The following TFDP2 variants were observed in gnomAD, a reference collection of about 807,000 sequenced individuals.
The protein encoded by TFDP2 is transcription factor Dp-2 (E2F dimerization partner 2).
In TFDP2, 17 loss-of-function variants were observed where a neutral mutation model predicts 59.3. The ratio of observed to expected loss-of-function variants is 0.29; its 90% CI spans 0.20 to 0.43. TFDP2 has a LOEUF of 0.43. Among genes scored for constraint, TFDP2 ranks in the 20% least tolerant of loss-of-function variants. The probability of loss-of-function intolerance (pLI) is 1.00; values close to 1 mark genes in which losing one functional copy is unlikely to be tolerated. For missense variants in TFDP2, 391 were observed against 528.8 expected (o/e 0.74, Z 2.56); for synonymous variants, 180 against 194.7 (o/e 0.92, Z 0.63).
intron 3 of TFDP2, among the ~76,000 whole-genome samples, chr3:142,039,568 G>C (rs1447386525): frequency 1.3e-5 from 2 of 152,146 alleles, no homozygotes; most frequent in East Asian, 3.9e-4. Context: ...GAGAGCAGGA[G>C]AGAATCCTCA....
intron 1 of TFDP2, among the ~76,000 whole-genome samples, chr3:142,116,903 G>A (rs1012438154): frequency 6.6e-6 from 1 of 151,942 alleles, no homozygotes; most frequent in Non-Finnish European, 1.5e-5. Context: ...GATTTTTCAG[G>A]TGTAAAATTA....
rs1319806448 is a variant in TFDP2 at position 141,963,925 on chromosome 3, T to C, written c.771A>G (p.Gln257=). ...AFKNLVQRNR[Q]NEQQNQGPPA... Reference sequence around the variant, plus strand: ...GCGGGCCCTGGTTTTGCTGCTCATTTTGTCGATTTCTCTGTACCAGGTTTT... The same window carrying C: ...GCGGGCCCTGGTTTTGCTGCTCATTCTGTCGATTTCTCTGTACCAGGTTTT... Residue 257 remains glutamine (Q), a synonymous_variant, in exon 10 of 13, where the codon CAA becomes CAG. Transcript: ENST00000489671. The C allele has an allele frequency of 1.2e-6, 2 of 1,613,788 alleles. No individual in the cohort carries two copies. Among genetic ancestry groups the C allele is most frequent in the Admixed American group, 1.7e-5 (1 of 59,960 alleles).
At chr3:142,107,618 T>C (rs2061517545) in intron 1 of TFDP2, among the ~76,000 whole-genome samples, 1 of 152,192 alleles carries the variant, frequency 6.6e-6, no homozygotes, top group Non-Finnish European at 1.5e-5. Context: ...GTGCTTCACA[T>C]GTATATCATA....
At chr3:142,014,376 T>G (rs1316024713) in intron 3 of TFDP2, among the ~76,000 whole-genome samples, 1 of 151,940 alleles carries the variant, frequency 6.6e-6, no homozygotes, top group Non-Finnish European at 1.5e-5. Flanking sequence ...TCTCAAACTC[T>G]TGAGCTCAAG....
At chr3:142,051,643 A>G (rs968291142) in intron 3 of TFDP2, among the ~76,000 whole-genome samples, 6 of 152,234 alleles carry the variant, frequency 3.9e-5, no homozygotes, top group Admixed American at 1.3e-4. Context: ...AGACACGTAC[A>G]TCAATGGAAC....
intron 6 of TFDP2, 36 bp downstream of exon 6, chr3:141,993,502 A>C: frequency 6.9e-7 from 1 of 1,458,182 alleles, no homozygotes; most frequent in Non-Finnish European, 9.4e-7. Context: ...CTATATAGCC[A>C]AATCTTCCAA....
chr3:141,964,003 A>C, intron 9 of TFDP2, 40 bp from the exon 10 acceptor site: 1 of 1,572,156 alleles, frequency 6.4e-7, no homozygotes, highest in South Asian at 1.2e-5. Flanking sequence ...AATTGTGCAT[A>C]AGTGAGTTGG....
intron 4 of TFDP2, among the ~76,000 whole-genome samples, chr3:141,997,492 C>T (rs1943374145): frequency 6.6e-6 from 1 of 151,846 alleles, no homozygotes; most frequent in South Asian, 2.1e-4. Flanking sequence ...ATTACTACTG[C>T]AGTATTTCTA....
At chr3:142,057,133 G>C (rs1576859884) in intron 3 of TFDP2, among the ~76,000 whole-genome samples, 1 of 152,352 alleles carries the variant, frequency 6.6e-6, no homozygotes, top group East Asian at 1.9e-4. Context: ...GGTGGATCCA[G>C]AGGGACCACA....
intron 3 of TFDP2, among the ~76,000 whole-genome samples, chr3:142,010,533 C>T (rs1344480163): frequency 4.1e-5 from 6 of 145,056 alleles, no homozygotes; most frequent in African/African-American, 7.7e-5. Context: ...CGCTTGAACC[C>T]GGGAGGCAGA....
chr3:142,001,990 G>GT (rs140582209), intron 4 of TFDP2, among the ~76,000 whole-genome samples: 20,730 of 116,740 alleles, frequency 0.18, 2,647 homozygotes, highest in African/African-American at 0.35. Context: ...ACCATGCCTG[G>GT]TTTTTTTTTT....
chr3:142,109,751 T>A (rs1414069630), intron 1 of TFDP2, among the ~76,000 whole-genome samples: 1 of 152,224 alleles, frequency 6.6e-6, no homozygotes. Context: ...TACATTAATT[T>A]TTAGCAGAAA....
intron 3 of TFDP2, among the ~76,000 whole-genome samples, chr3:142,080,569 A>C (rs2060604584): frequency 6.6e-6 from 1 of 152,204 alleles, no homozygotes; most frequent in African/African-American, 2.4e-5. Context: ...AATGGATAAA[A>C]AACAAGATCC....
chr3:142,082,714 A>G, intron 3 of TFDP2, among the ~76,000 whole-genome samples: 1 of 152,242 alleles, frequency 6.6e-6, no homozygotes, highest in East Asian at 1.9e-4. Context: ...AAATGGCTCA[A>G]TGAATGCAAG....
chr3:142,067,474 A>C (rs977948698), intron 3 of TFDP2, among the ~76,000 whole-genome samples: 1 of 152,074 alleles, frequency 6.6e-6, no homozygotes, highest in Admixed American at 6.6e-5. Flanking sequence ...AAATCAAAGA[A>C]GACCTAATTA....
At chr3:142,016,454 A>C (rs978057882) in intron 3 of TFDP2, among the ~76,000 whole-genome samples, 2 of 151,664 alleles carry the variant, frequency 1.3e-5, no homozygotes, top group African/African-American at 2.4e-5. Flanking sequence ...GCCCACCAGC[A>C]CACCTGGCTA....
intron 2 of TFDP2, among the ~76,000 whole-genome samples, chr3:142,097,907 C>T (rs1466986732): frequency 2.0e-5 from 3 of 151,924 alleles, no homozygotes; most frequent in African/African-American, 7.3e-5. Flanking sequence ...TGCCTCAGCC[C>T]CTCTGGCCCA....
At chr3:142,015,271 G>A (rs973960708) in intron 3 of TFDP2, among the ~76,000 whole-genome samples, 8 of 152,016 alleles carry the variant, frequency 5.3e-5, no homozygotes, top group South Asian at 2.1e-4. Flanking sequence ...GATGACTCTC[G>A]TGTATATTTC....
At chr3:142,127,803 G>A (rs946786484) in intron 1 of TFDP2, among the ~76,000 whole-genome samples, 2 of 152,020 alleles carry the variant, frequency 1.3e-5, no homozygotes, top group African/African-American at 4.8e-5. Context: ...CATCACAAAG[G>A]CTTAAGAATT....
Sources: gnomAD v4.1 joint callset for allele counts (sites outside exome capture counted in the v4.1 genomes callset) on GRCh38, gnomAD v4.1.1 for gene constraint, MANE v1.5 for transcripts, NCBI Gene and HGNC (gene_info 2026-07-23, HGNC 2026-07-21) for gene names.